Variants in NAV3 observed in about 807,000 individuals in gnomAD.
The protein encoded by NAV3 is pore membrane and/or filament interacting like protein 1.
NAV3 carries 87 observed loss-of-function variants against 244.7 expected under a neutral mutation model. The ratio of observed to expected loss-of-function variants is 0.36; its 90% CI spans 0.30 to 0.42. NAV3 has a LOEUF of 0.42. Ranked by LOEUF, NAV3 falls within the 20% of genes least tolerant of loss-of-function variation. The pLI is 1.00. For missense variants in NAV3, 2,663 were observed against 2,893.3 expected (o/e 0.92, Z 1.83); for synonymous variants, 1,126 against 1,042.2 (o/e 1.08, Z -1.55).
At chr12:77,867,490 G>T (rs936149041) in intron 1 of NAV3, among the ~76,000 whole-genome samples, 1 of 152,152 alleles carries the variant, frequency 6.6e-6, no homozygotes, top group Non-Finnish European at 1.5e-5. Flanking sequence ...CGCGATCTCA[G>T]CTCACTGCCA....
chr12:77,826,250 G>A (rs1288018996), upstream of NAV3, among the ~76,000 whole-genome samples: 1 of 152,206 alleles, frequency 6.6e-6, no homozygotes, highest in Non-Finnish European at 1.5e-5. Flanking sequence ...GCTCAAGTCT[G>A]TAATCCCAGT....
At chr12:77,990,396 G>A (rs1444976331) in intron 5 of NAV3, among the ~76,000 whole-genome samples, 5 of 152,154 alleles carry the variant, frequency 3.3e-5, no homozygotes, top group African/African-American at 1.2e-4. Context: ...AAGTAATCCT[G>A]ACAAATGAAG....
At chr12:77,797,748 G>A (rs1871496781) in intron 2 of NAV3, among the ~76,000 whole-genome samples, 2 of 151,646 alleles carry the variant, frequency 1.3e-5, no homozygotes, top group Admixed American at 1.3e-4. Flanking sequence ...GACTGAGGGA[G>A]GAGAATTGCT....
intron 5 of NAV3, among the ~76,000 whole-genome samples, chr12:77,984,960 G>A (rs1044361891): frequency 5.3e-5 from 8 of 152,104 alleles, no homozygotes; most frequent in African/African-American, 1.7e-4. Context: ...GGGATTACTG[G>A]CACATGCCAC....
intron 1 of NAV3, among the ~76,000 whole-genome samples, chr12:77,841,206 A>G (rs1769314443): frequency 6.6e-6 from 1 of 152,222 alleles, no homozygotes; most frequent in Non-Finnish European, 1.5e-5. Flanking sequence ...TCACTAGATG[A>G]AAGAGTCATG....
chr12:77,626,142 T>C lies in NAV3; in HGVS notation c.72+53876T>C, dbSNP rs540334097. Among the ~76,000 whole-genome samples the C allele has an allele frequency of 2.6e-5, 4 of 151,970 alleles. No homozygotes were observed. The East Asian group carries it at 7.7e-4, about 29-fold the overall frequency. On this transcript the variant is annotated intron_variant, in intron 2 of 8. Transcript: ENST00000550042. ...GAAATCCCAGAACTGAAGAATTCAA[T>C]GGTAAAAGTAACAAATACAACTGAG...
At chr12:77,747,484 A>G (rs1010160590) in intron 2 of NAV3, among the ~76,000 whole-genome samples, 2 of 152,212 alleles carry the variant, frequency 1.3e-5, no homozygotes, top group Admixed American at 6.5e-5. Flanking sequence ...GTGATTCCTC[A>G]GGGATGTAGA....
intron 2 of NAV3, among the ~76,000 whole-genome samples, chr12:77,771,267 G>T (rs1476424209): frequency 6.6e-6 from 1 of 152,166 alleles, no homozygotes; most frequent in African/African-American, 2.4e-5. Context: ...GGAAACAACA[G>T]GTGCTGGAGA....
intron 2 of NAV3, among the ~76,000 whole-genome samples, chr12:77,622,085 A>C (rs565436042): frequency 2.0e-5 from 3 of 152,164 alleles, no homozygotes; most frequent in Admixed American, 2.0e-4. Context: ...GTATTATTTC[A>C]TTATACTGAT....
chr12:78,036,874 C>T, intron 9 of NAV3: 1 of 694,934 alleles, frequency 1.4e-6, no homozygotes, highest in South Asian at 1.5e-5. Context: ...ATGCAGCGGC[C>T]TGCTGAACTC....
intron 2 of NAV3, among the ~76,000 whole-genome samples, chr12:77,823,368 A>C (rs538112565): frequency 1.2e-4 from 19 of 152,318 alleles, no homozygotes; most frequent in African/African-American, 4.1e-4. Flanking sequence ...ACTTACAGAG[A>C]TGTTTCTTCT....
intron 2 of NAV3, among the ~76,000 whole-genome samples, chr12:77,738,517 T>C (rs1868266773): frequency 6.6e-6 from 1 of 152,204 alleles, no homozygotes; most frequent in Non-Finnish European, 1.5e-5. Flanking sequence ...AATTGACCAG[T>C]GTATAATTAA....
intron 20 of NAV3, among the ~76,000 whole-genome samples, chr12:78,142,088 A>C (rs575786956): frequency 1.3e-5 from 2 of 152,266 alleles, no homozygotes; most frequent in Admixed American, 1.3e-4. Context: ...ACATTTCAAA[A>C]TAGCTAGAAA....
At chr12:78,056,197 T>C (rs1246468289) in intron 11 of NAV3, 1 of 152,222 alleles carries the variant, frequency 6.6e-6, no homozygotes, top group East Asian at 1.9e-4. Context: ...GTGCGGAAGA[T>C]GCTAAGATCT....
At position 77,994,858 on chromosome 12, in the gene NAV3, A is replaced by G. The variant is rs1472828638; in HGVS notation, c.727A>G (p.Lys243Glu). ...TCACAGTGGAATTGCAACCAGTCAA[A>G]AAAAGCCTACTAGGTCAGTTAATAT... Reference protein sequence around the residue: ...SNHSGIATSQKKPTRLPGPSR... With the variant: ...SNHSGIATSQEKPTRLPGPSR... Residue 243 changes from lysine to glutamate, a missense_variant, in exon 6 of 40, where the codon AAA becomes GAA. Coordinates refer to ENST00000397909, the MANE Select transcript of NAV3 (RefSeq NM_001024383.2). 1 of 1,608,828 alleles carries G rather than the reference A, an allele frequency of 6.2e-7. No homozygotes were observed.
intron 2 of NAV3, among the ~76,000 whole-genome samples, chr12:77,622,094 A>G (rs1031132940): frequency 6.6e-6 from 1 of 152,132 alleles, no homozygotes; most frequent in Non-Finnish European, 1.5e-5. Context: ...CATTATACTG[A>G]TGAGAAAATT....
chr12:77,603,355 C>T (rs1016281104), intron 2 of NAV3, among the ~76,000 whole-genome samples: 5 of 151,988 alleles, frequency 3.3e-5, no homozygotes, highest in African/African-American at 1.2e-4. Flanking sequence ...TTTTAATACA[C>T]TGGTATAAGT....
intron 2 of NAV3, among the ~76,000 whole-genome samples, chr12:77,629,802 T>C (rs1871803962): frequency 6.6e-6 from 1 of 152,190 alleles, no homozygotes; most frequent in Non-Finnish European, 1.5e-5. Flanking sequence ...CTTCTGCCTT[T>C]TGGATAAGCT....
At position 78,118,281 on chromosome 12, in the gene NAV3, T is replaced by G. The variant is rs780196114; in HGVS notation, c.3024T>G (p.Ser1008Arg). The G allele has an allele frequency of 1.2e-6, 2 of 1,606,896 alleles. No homozygotes were observed. Among genetic ancestry groups the G allele is most frequent in the African/African-American group, 2.7e-5 (2 of 74,666 alleles). The change falls in exon 14 of 40, where the codon AGT (serine) becomes AGG (arginine). Residue 1008 changes from serine (S) to arginine (R), a missense_variant. Transcript: ENST00000397909. The part of the protein sequence containing the change: ...GAPSRQKAGT[S>R]ALKTPGKTDD... ...CATCTAGGCAGAAAGCTGGAACAAG[T>G]GCACTCAAAACACCCGGTAGGCTTG...
Sources: allele counts gnomAD v4.1 joint callset (sites outside exome capture counted in the v4.1 genomes callset), GRCh38; gene constraint gnomAD v4.1.1; transcripts MANE v1.5; gene names NCBI Gene and HGNC (gene_info 2026-07-23, HGNC 2026-07-21).